The following MCCC2 variants were observed in gnomAD, a reference collection of about 807,000 sequenced individuals.
MCCC2 encodes methylcrotonyl-CoA carboxylase subunit 2, also known as methylcrotonoyl-CoA carboxylase beta chain, mitochondrial.
In MCCC2, 52 loss-of-function variants were observed where a neutral mutation model predicts 77.2. The ratio of observed to expected loss-of-function variants is 0.67; its 90% confidence interval spans 0.54 to 0.85. The LOEUF is 0.85. Ranked by LOEUF, MCCC2 falls within the 40% of genes least tolerant of loss-of-function variation. The pLI is 0.00. For missense variants in MCCC2, 682 were observed against 703.2 expected, an observed-to-expected ratio of 0.97 and a Z score of 0.34; for synonymous variants, 253 against 248.4, an observed-to-expected ratio of 1.02 and a Z score of -0.18.
intron 6 of MCCC2, among the ~76,000 whole-genome samples, chr5:71,605,362 T>C (rs1313380657): frequency 2.0e-5 from 3 of 151,722 alleles, no homozygotes; most frequent in African/African-American, 7.2e-5. Flanking sequence ...ATGTGTTTTT[T>C]GGCTGCATAA....
rs889030491 is a variant in MCCC2 at position 71,657,218 on chromosome 5, A to G, written c.*358A>G. ...ATAAAGTTGTATTTTCACTGAAATG[A>G]TTGTTTTGCTGGTTATGCTTGGTGA... On this transcript the variant is annotated 3_prime_UTR_variant, in exon 17 of 17. Coordinates refer to ENST00000340941, the MANE Select transcript of MCCC2 (RefSeq NM_022132.5). The G allele has an allele frequency of 4.2e-6, 1 of 236,302 alleles. No homozygotes were observed. The highest frequency in any genetic ancestry group is 2.3e-5 in the African/African-American group (1 of 43,218). The allele number at this position is 236,302 out of a possible 1,614,324, so 14.6% of individuals were successfully genotyped here. A position where few individuals can be genotyped will look rare whatever the true frequency, so the allele number is the denominator to read the frequency against.
intron 6 of MCCC2, among the ~76,000 whole-genome samples, chr5:71,624,303 G>A (rs1395728400): frequency 6.6e-6 from 1 of 152,236 alleles, no homozygotes; most frequent in Non-Finnish European, 1.5e-5. Context: ...CATTCAGTCT[G>A]TAGTAGATGG....
intron 7 of MCCC2, among the ~76,000 whole-genome samples, chr5:71,631,600 G>A (rs1219100559): frequency 2.7e-5 from 4 of 150,868 alleles, no homozygotes; most frequent in African/African-American, 9.8e-5. Context: ...GACTGCAGTG[G>A]CGCAATCTCG....
intron 6 of MCCC2, among the ~76,000 whole-genome samples, chr5:71,618,341 A>G (rs1392950874): frequency 6.6e-6 from 1 of 152,156 alleles, no homozygotes; most frequent in African/African-American, 2.4e-5. Context: ...TCTCACACAC[A>G]CTTGCCCTCT....
chr5:71,608,332 G>T (rs2112346097), intron 6 of MCCC2, among the ~76,000 whole-genome samples: 6 of 115,604 alleles, frequency 5.2e-5, no homozygotes, highest in Admixed American at 1.0e-4. Context: ...ATTATGTAAT[G>T]GCCTTCTTTG....
intron 10 of MCCC2, among the ~76,000 whole-genome samples, chr5:71,639,218 A>G (rs1747037682): frequency 6.6e-6 from 1 of 152,212 alleles, no homozygotes; most frequent in South Asian, 2.1e-4. Context: ...CTCCCCAGCT[A>G]TGAAAGTCCT....
At chr5:71,635,797 A>G (rs987332272) in intron 10 of MCCC2, 1 of 170,484 alleles carries the variant, frequency 5.9e-6, no homozygotes, top group East Asian at 1.6e-4. Context: ...CATAGTTGGC[A>G]GAGTAGTTTT....
chr5:71,641,135 T>G, intron 11 of MCCC2, 60 bp downstream of exon 11: 2 of 1,487,208 alleles, frequency 1.3e-6, no homozygotes, highest in South Asian at 2.3e-5. Flanking sequence ...ATCAGGAATC[T>G]CTTGTTTCAA....
intron 5 of MCCC2, among the ~76,000 whole-genome samples, chr5:71,603,640 G>A (rs1751796034): frequency 6.6e-6 from 1 of 152,156 alleles, no homozygotes; most frequent in South Asian, 2.1e-4. Context: ...GCTTGTAGGT[G>A]CTGTGCTGGT....
At chr5:71,594,113 C>T (rs897584100) in intron 2 of MCCC2, among the ~76,000 whole-genome samples, 1 of 152,078 alleles carries the variant, frequency 6.6e-6, no homozygotes, top group Non-Finnish European at 1.5e-5. Context: ...GTGTTGTCTC[C>T]AGAAAAAGAA....
intron 6 of MCCC2, among the ~76,000 whole-genome samples, chr5:71,611,912 C>T (rs898917846): frequency 6.6e-6 from 1 of 151,906 alleles, no homozygotes; most frequent in Non-Finnish European, 1.5e-5. Flanking sequence ...CCTCAGCCTC[C>T]TGAGTAGCTG....
chr5:71,609,415 C>A (rs1464976717), intron 6 of MCCC2, among the ~76,000 whole-genome samples: 3 of 151,224 alleles, frequency 2.0e-5, no homozygotes, highest in Non-Finnish European at 4.4e-5. Context: ...GTTTTCAGCT[C>A]CATCAGCTCC....
intron 6 of MCCC2, among the ~76,000 whole-genome samples, chr5:71,614,337 C>T (rs1478617435): frequency 2.6e-5 from 4 of 152,056 alleles, no homozygotes; most frequent in Non-Finnish European, 4.4e-5. Flanking sequence ...TTCCCTTTCT[C>T]TTACTCTAAT....
chr5:71,594,773 C>T (rs1745109945), intron 2 of MCCC2, among the ~76,000 whole-genome samples: 1 of 152,070 alleles, frequency 6.6e-6, no homozygotes, highest in South Asian at 2.1e-4. Context: ...GCTCTGTGAG[C>T]CTGCATCAAG....
At position 71,626,744 on chromosome 5, in the gene MCCC2, A is replaced by AC. The variant is rs770769655; in HGVS notation, c.735dup (p.Val247GlyfsTer2). 8 of 1,613,986 alleles carry AC rather than the reference A, an allele frequency of 5.0e-6. No homozygotes were observed. Among genetic ancestry groups the AC allele is most frequent in the Admixed American group, 1.7e-5 (1 of 60,000 alleles). On this transcript the variant is annotated frameshift_variant, in exon 7 of 17. Transcript: ENST00000340941. LOFTEE classifies it high-confidence loss of function. ...AGCAGGGTACCATTTTCTTGGCAGG[A>AC]CCCCCCTTGGTAAGAACATAAGAAC...
At chr5:71,633,129 A>ATTTTTT (rs1215619050) in intron 8 of MCCC2, among the ~76,000 whole-genome samples, 4 of 81,976 alleles carry the variant, frequency 4.9e-5, no homozygotes, top group Non-Finnish European at 9.3e-5. Flanking sequence ...ATATATATAT[A>ATTTTTT]TATTTTTATT....
intron 6 of MCCC2, among the ~76,000 whole-genome samples, chr5:71,615,078 T>G (rs1332907621): frequency 5.3e-5 from 8 of 152,170 alleles, no homozygotes. Context: ...GCAATTCTCC[T>G]GCCTCAGCCT....
At chr5:71,588,184 G>A (rs1744836898) in intron 1 of MCCC2, among the ~76,000 whole-genome samples, 1 of 151,500 alleles carries the variant, frequency 6.6e-6, no homozygotes, top group Non-Finnish European at 1.5e-5. Context: ...CAGGGGAATC[G>A]CTTGAACTTG....
At chr5:71,616,381 G>C (rs1001373460) in intron 6 of MCCC2, among the ~76,000 whole-genome samples, 2 of 152,288 alleles carry the variant, frequency 1.3e-5, no homozygotes, top group Non-Finnish European at 2.9e-5. Context: ...CCATCTTGTA[G>C]GACTGAGCCC....
Sources: gnomAD v4.1 joint callset for allele counts (sites outside exome capture counted in the v4.1 genomes callset) on GRCh38, gnomAD v4.1.1 for gene constraint, MANE v1.5 for transcripts, NCBI Gene and HGNC (gene_info 2026-07-23, HGNC 2026-07-21) for gene names.